Variants in ST3GAL3 observed in about 807,000 individuals in gnomAD.
ST3GAL3 encodes ST3 beta-galactoside alpha-2,3-sialyltransferase 3.
ST3GAL3 carries 21 observed loss-of-function variants against 50.1 expected under a neutral mutation model. The observed-to-expected ratio is 0.42, with a 90% confidence interval of 0.30 to 0.60. ST3GAL3 has a LOEUF of 0.60. Among genes scored for constraint, ST3GAL3 ranks in the 20% least tolerant of loss-of-function variants. The pLI, the probability that ST3GAL3 is intolerant of heterozygous loss-of-function variation, is 0.19. For synonymous variants in ST3GAL3, 183 were observed against 190.0 expected (o/e 0.96, Z 0.30); for missense variants, 353 against 489.4 (o/e 0.72, Z 2.63).
intron 5 of ST3GAL3, among the ~76,000 whole-genome samples, chr1:43,856,060 C>T (rs1212353953): frequency 2.0e-5 from 3 of 152,218 alleles, no homozygotes; most frequent in Admixed American, 1.3e-4. Context: ...AATACTGTGA[C>T]AGACATCTGA....
chr1:43,739,757 A>C (rs940969517), intron 2 of ST3GAL3, among the ~76,000 whole-genome samples: 1 of 152,140 alleles, frequency 6.6e-6, no homozygotes, highest in African/African-American at 2.4e-5. Context: ...TGTTTTCATT[A>C]ATTCCAAGGT....
chr1:43,753,281 A>G (rs1218220764), intron 2 of ST3GAL3, among the ~76,000 whole-genome samples: 1 of 152,182 alleles, frequency 6.6e-6, no homozygotes, highest in Non-Finnish European at 1.5e-5. Flanking sequence ...TGCTTAATGA[A>G]ATAGTGGTAT....
intron 3 of ST3GAL3, among the ~76,000 whole-genome samples, chr1:43,794,940 A>G (rs1004223056): frequency 1.3e-5 from 2 of 152,016 alleles, no homozygotes; most frequent in South Asian, 4.2e-4. Context: ...GAATTCTATA[A>G]TAGCTAGATG....
chr1:43,867,801 T>C (rs1480708636), intron 5 of ST3GAL3, among the ~76,000 whole-genome samples: 17 of 152,186 alleles, frequency 1.1e-4, no homozygotes, highest in Admixed American at 9.8e-4. Flanking sequence ...TGGTAATTTT[T>C]TAAGGAAGAA....
At chr1:43,750,911 C>CT (rs913679244) in intron 2 of ST3GAL3, among the ~76,000 whole-genome samples, 4 of 151,830 alleles carry the variant, frequency 2.6e-5, no homozygotes, top group Admixed American at 1.3e-4. Flanking sequence ...TTTATTAAAA[C>CT]TTCTGTTTTA....
intron 5 of ST3GAL3, among the ~76,000 whole-genome samples, chr1:43,859,788 G>A (rs531798619): frequency 1.3e-5 from 2 of 152,194 alleles, no homozygotes; most frequent in Non-Finnish European, 1.5e-5. Flanking sequence ...TGTACCTGCT[G>A]TCTCCACTGG....
intron 4 of ST3GAL3, among the ~76,000 whole-genome samples, chr1:43,816,833 G>T (rs1243053287): frequency 2.6e-5 from 4 of 152,180 alleles, no homozygotes; most frequent in African/African-American, 4.8e-5. Flanking sequence ...ACAATCTAAG[G>T]TACAAGCTAG....
chr1:43,890,283 G>C (rs867339837), intron 5 of ST3GAL3, among the ~76,000 whole-genome samples: 4 of 152,332 alleles, frequency 2.6e-5, no homozygotes, highest in Admixed American at 1.3e-4. Flanking sequence ...TACAAAGAAA[G>C]TGGATGGGGT....
rs751250393 is a variant in ST3GAL3 at position 43,930,242 on chromosome 1, T to C, written c.*21T>C. On this transcript the variant is annotated 3_prime_UTR_variant, in exon 12 of 12. Coordinates refer to ENST00000347631, the MANE Select transcript of ST3GAL3 (RefSeq NM_006279.5). ...TCTGAGTGGGCCCAGCACATGGCCATAGAGGCCCAGGCACCACCAGGAGCA... is the reference window on the plus strand; with the variant it reads ...TCTGAGTGGGCCCAGCACATGGCCACAGAGGCCCAGGCACCACCAGGAGCA... 5.3e-5 allele frequency: 85 copies of C among 1,607,874 alleles called. 1 individual carries two copies. The South Asian group carries it at 8.7e-4, about 16-fold the overall frequency.
intron 5 of ST3GAL3, among the ~76,000 whole-genome samples, chr1:43,872,396 A>C (rs112153910): frequency 6.6e-6 from 1 of 151,106 alleles, no homozygotes; most frequent in Non-Finnish European, 1.5e-5. Context: ...GAGTCCTGCC[A>C]GGGCTGCTGG....
chr1:43,715,783 G>A (rs535469617), intron 1 of ST3GAL3, among the ~76,000 whole-genome samples: 1 of 152,290 alleles, frequency 6.6e-6, no homozygotes, highest in Non-Finnish European at 1.5e-5. Context: ...GTGAGACCCT[G>A]TCTCAAAAAT....
chr1:43,751,267 G>A (rs1426169813), intron 2 of ST3GAL3, among the ~76,000 whole-genome samples: 1 of 152,124 alleles, frequency 6.6e-6, no homozygotes, highest in African/African-American at 2.4e-5. Context: ...CCCTGTACAT[G>A]CATAAGTAAA....
chr1:43,920,759 TCA>T, intron 10 of ST3GAL3, 21 bp from the exon 11 acceptor site: 1 of 1,614,152 alleles, frequency 6.2e-7, no homozygotes. Context: ...ATGCCTTCTC[TCA>T]CCCCTGCCCC....
rs2084934730 is a variant in ST3GAL3 at position 43,930,977 on chromosome 1, T to C, written c.*756T>C. 1 of 155,270 alleles carries C rather than the reference T, an allele frequency of 6.4e-6. No homozygotes were observed. The highest frequency in any genetic ancestry group is 1.4e-5 in the Non-Finnish European group (1 of 69,814). The allele number at this position is 155,270 out of a possible 1,614,324, so 9.6% of individuals were successfully genotyped here. On this transcript the variant is annotated 3_prime_UTR_variant, in exon 12 of 12. Coordinates refer to ENST00000347631, the MANE Select transcript of ST3GAL3 (RefSeq NM_006279.5). ...CCCCTCCACAGCTGCAGCTGATCCA[T>C]AGGACTACCGCAGGCCCGGACTCAC...
chr1:43,854,516 A>G (rs2067964863), intron 5 of ST3GAL3, among the ~76,000 whole-genome samples: 1 of 152,026 alleles, frequency 6.6e-6, no homozygotes, highest in South Asian at 2.1e-4. Flanking sequence ...TCCTGTGCCC[A>G]TCCTTAAATG....
intron 4 of ST3GAL3, among the ~76,000 whole-genome samples, chr1:43,830,767 C>G (rs3011216): frequency 0.39 from 59,242 of 152,146 alleles, 14,462 homozygotes; most frequent in Non-Finnish European, 0.55. Flanking sequence ...GTGGCCCTCC[C>G]TTTCTGTCCC....
At chr1:43,899,000 T>G in intron 7 of ST3GAL3, 168 bp from the exon 8 acceptor site, 3 of 810,322 alleles carry the variant, frequency 3.7e-6, no homozygotes, top group East Asian at 2.7e-5. Context: ...CAGCTACCCA[T>G]TGTATGGTTC....
chr1:43,757,776 A>T (rs1479874551), intron 2 of ST3GAL3, among the ~76,000 whole-genome samples: 1 of 152,164 alleles, frequency 6.6e-6, no homozygotes, highest in Non-Finnish European at 1.5e-5. Flanking sequence ...AAAAAAAAAC[A>T]TTGAACTTTA....
rs1476229901 is a variant in ST3GAL3, at chr1:43,727,014, A to G, written c.-30-9219A>G. On this transcript the variant is annotated intron_variant, in intron 1 of 11. Transcript: ENST00000347631. ...ATTTTCTAATTACATTATTCCTTCT[A>G]TTTTCATCAGCTGTCGTTTCACTCT... Among the ~76,000 whole-genome samples the G allele has an allele frequency of 2.0e-5, 3 of 152,020 alleles. 1 individual carries two copies. Among genetic ancestry groups the G allele is most frequent in the South Asian group, 4.1e-4 (2 of 4,824 alleles).
Sources: gnomAD v4.1 joint callset for allele counts (sites outside exome capture counted in the v4.1 genomes callset) on GRCh38, gnomAD v4.1.1 for gene constraint, MANE v1.5 for transcripts, NCBI Gene and HGNC (gene_info 2026-07-23, HGNC 2026-07-21) for gene names.